The following NECTIN3 variants were observed in gnomAD, a reference collection of about 807,000 sequenced individuals.
NECTIN3 encodes nectin-3.
NECTIN3 carries 8 observed loss-of-function variants against 49.4 expected under a neutral mutation model. That is an observed-to-expected ratio of 0.16 (90% confidence interval 0.10 to 0.29). NECTIN3 has a LOEUF of 0.29. NECTIN3 is among the 10% of genes least tolerant of loss of function. The pLI is 1.00. For missense variants in NECTIN3, 581 were observed against 654.6 expected (o/e 0.89, Z 1.23); for synonymous variants, 277 against 241.1 (o/e 1.15, Z -1.38).
intron 1 of NECTIN3, chr3:111,075,114 A>G (rs1208474197): frequency 2.0e-5 from 3 of 152,136 alleles, no homozygotes; most frequent in Non-Finnish European, 2.9e-5. Context: ...TAACACACGC[A>G]TAAGACAGAG....
In NECTIN3 at chr3:111,137,416, T is replaced by A. The variant is rs2107500941; in HGVS notation, c.*3201T>A. ...GGTTTTAGTTTGTACCCGCGCTAAG[T>A]TTTGGTTTTGTTGTGTTTGGTGTTT... On this transcript the variant is annotated 3_prime_UTR_variant, in exon 6 of 6. Coordinates refer to ENST00000485303, the MANE Select transcript of NECTIN3 (RefSeq NM_015480.3). 1 of 950,316 alleles carries A rather than the reference T, an allele frequency of 1.1e-6. No individual in the cohort carries two copies. 58.9% of individuals were successfully genotyped at this position (950,316 alleles called of 1,614,324 possible). A position where few individuals can be genotyped will look rare whatever the true frequency, so the allele number is the denominator to read the frequency against.
At chr3:111,159,017 A>T (rs2035154777) in intron 7 of NECTIN3, among the ~76,000 whole-genome samples, 1 of 152,194 alleles carries the variant, frequency 6.6e-6, no homozygotes, top group African/African-American at 2.4e-5. Flanking sequence ...ATACAAGTTA[A>T]ACCACAATGA....
intron 1 of NECTIN3, among the ~76,000 whole-genome samples, chr3:111,102,420 A>G (rs971683266): frequency 2.0e-5 from 3 of 152,118 alleles, no homozygotes; most frequent in African/African-American, 7.2e-5. Flanking sequence ...TAAAATTCAT[A>G]ATCCATCAAA....
chr3:111,085,912 A>G (rs1055388701), intron 1 of NECTIN3, among the ~76,000 whole-genome samples: 1 of 152,196 alleles, frequency 6.6e-6, no homozygotes, highest in Non-Finnish European at 1.5e-5. Context: ...AGTGCTTATA[A>G]CAATTCATAC....
At chr3:111,089,057 CATGCTTTCAA>C (rs1423252093) in intron 1 of NECTIN3, among the ~76,000 whole-genome samples, 1 of 152,088 alleles carries the variant, frequency 6.6e-6, no homozygotes, top group Non-Finnish European at 1.5e-5. Flanking sequence ...TTGTCAACTT[CATGCTTTCAA>C]ATCTTTTGAC....
chr3:111,104,181 A>G (rs1047019923), intron 1 of NECTIN3, among the ~76,000 whole-genome samples: 1 of 152,168 alleles, frequency 6.6e-6, no homozygotes, highest in Non-Finnish European at 1.5e-5. Context: ...TGTTATTGTC[A>G]GCCCATTTGA....
chr3:111,119,317 CTTG>C (rs1226970842), intron 3 of NECTIN3, among the ~76,000 whole-genome samples: 1 of 152,096 alleles, frequency 6.6e-6, no homozygotes, highest in African/African-American at 2.4e-5. Flanking sequence ...ATCTTGTTTC[CTTG>C]TTGTTGGTGT....
At chr3:111,193,841 G>A (rs925880503) in intron 1 of NECTIN3, among the ~76,000 whole-genome samples, 1 of 152,194 alleles carries the variant, frequency 6.6e-6, no homozygotes, top group African/African-American at 2.4e-5. Context: ...GGATTTCCCT[G>A]ACATGCTTAA....
chr3:111,110,539 TTTG>T (rs3081491), intron 1 of NECTIN3, among the ~76,000 whole-genome samples: 106,978 of 151,578 alleles, frequency 0.71, 43,409 homozygotes, highest in Non-Finnish European at 0.93. Flanking sequence ...AATGAAATTT[TTTG>T]TTGATATTCA....
chr3:111,169,154 A>G (rs533243906), intron 7 of NECTIN3, among the ~76,000 whole-genome samples: 4 of 138,496 alleles, frequency 2.9e-5, no homozygotes, highest in African/African-American at 5.7e-5. Flanking sequence ...CAGTGGCGCA[A>G]TCTTGGCTTA....
chr3:111,084,728 C>T (rs918440618), intron 1 of NECTIN3, among the ~76,000 whole-genome samples: 1 of 152,058 alleles, frequency 6.6e-6, no homozygotes, highest in Non-Finnish European at 1.5e-5. Flanking sequence ...AATAATACCT[C>T]TTAATAATTC....
intron 7 of NECTIN3, among the ~76,000 whole-genome samples, chr3:111,156,879 A>G (rs966085789): frequency 6.6e-6 from 1 of 152,120 alleles, no homozygotes; most frequent in Non-Finnish European, 1.5e-5. Context: ...ATGTTCATCC[A>G]CTTAGGTTTT....
rs12488066 is a variant in NECTIN3 at position 111,083,944 on chromosome 3, G to A, written c.160+11767G>A. On this transcript the variant is annotated intron_variant, in intron 1 of 5. Coordinates refer to ENST00000485303, the MANE Select transcript of NECTIN3 (RefSeq NM_015480.3). ...GCCCAAGAAAATATATTGTCCACAAGTGTCCACTATAGAAAGTTGAAAAAC... is the reference window on the plus strand; with the variant it reads ...GCCCAAGAAAATATATTGTCCACAAATGTCCACTATAGAAAGTTGAAAAAC... 0.04 allele frequency among the ~76,000 whole-genome samples: 6,144 copies of A among 152,160 alleles called. 707 individuals carry two copies. In the East Asian group the frequency reaches 0.45, roughly 11 times the overall value.
intron 7 of NECTIN3, among the ~76,000 whole-genome samples, chr3:111,156,696 A>C (rs2035105189): frequency 6.6e-6 from 1 of 152,102 alleles, no homozygotes; most frequent in African/African-American, 2.4e-5. Context: ...CTGTCAGATA[A>C]CTTTCCACAG....
rs948715538 is a variant in NECTIN3 at position 111,144,877 on chromosome 3, C to G, written c.1001-22C>G. 4.2e-5 allele frequency: 64 copies of G among 1,516,696 alleles called. 1 individual carries two copies. Among genetic ancestry groups the G allele is most frequent in the Non-Finnish European group, 4.0e-5 (46 of 1,137,402 alleles). 94.0% of individuals were successfully genotyped at this position (1,516,696 alleles called of 1,614,324 possible). ...ATTATTTTTAAGATTATTTGAAAAG[C>G]CTAATTTTTGTTACTTTACAGATGT... On this transcript the variant is annotated intron_variant, in intron 5 of 8. Coordinates refer to the NECTIN3 transcript ENST00000493615.
chr3:111,076,151 T>C (rs6765133), intron 1 of NECTIN3, among the ~76,000 whole-genome samples: 13,415 of 152,122 alleles, frequency 0.088, 1,384 homozygotes, highest in East Asian at 0.45. Context: ...CTATTTACAA[T>C]TTAGTAATTT....
intron 2 of NECTIN3, among the ~76,000 whole-genome samples, chr3:111,118,282 ATT>A (rs1491286057): frequency 8.6e-4 from 113 of 131,670 alleles, no homozygotes; most frequent in African/African-American, 2.6e-3. Context: ...ATATATATAT[ATT>A]ATACATATAT....
At chr3:111,102,849 A>C (rs1013549104) in intron 1 of NECTIN3, among the ~76,000 whole-genome samples, 1 of 152,152 alleles carries the variant, frequency 6.6e-6, no homozygotes, top group Non-Finnish European at 1.5e-5. Context: ...TGTGTCTAGA[A>C]TTATTTATTT....
At chr3:111,090,270 CT>C in intron 1 of NECTIN3, among the ~76,000 whole-genome samples, 1 of 152,172 alleles carries the variant, frequency 6.6e-6, no homozygotes, top group South Asian at 2.1e-4. Context: ...TTACATTTTG[CT>C]TTCTACTTGT....
Sources: gnomAD v4.1 joint callset for allele counts (sites outside exome capture counted in the v4.1 genomes callset) on GRCh38, gnomAD v4.1.1 for gene constraint, MANE v1.5 for transcripts, NCBI Gene and HGNC (gene_info 2026-07-23, HGNC 2026-07-21) for gene names.